Variants in RMDN2 observed in about 807,000 individuals in gnomAD.
The protein encoded by RMDN2 is regulator of microtubule dynamics protein 2.
RMDN2 carries 61 observed loss-of-function variants against 52.8 expected under a neutral mutation model. The ratio of observed to expected loss-of-function variants is 1.16; its 90% CI spans 0.94 to 1.43. The LOEUF (loss-of-function observed/expected upper bound fraction) is 1.43, where lower values mean the gene tolerates loss of function less well. RMDN2 is among the 40% of genes most tolerant of loss of function. RMDN2 has a pLI of 0.00. For synonymous variants in RMDN2, 180 were observed against 153.1 expected, an observed-to-expected ratio of 1.18 and a Z score of -1.30; for missense variants, 592 against 475.3, an observed-to-expected ratio of 1.25 and a Z score of -2.28.
chr2:38,056,009 A>G (rs970137605), intron 10 of RMDN2, among the ~76,000 whole-genome samples: 1 of 152,100 alleles, frequency 6.6e-6, no homozygotes, highest in Non-Finnish European at 1.5e-5. Flanking sequence ...CACACACACA[A>G]ATACACACAC....
At chr2:37,953,276 A>G (rs1669064042) in intron 2 of RMDN2, among the ~76,000 whole-genome samples, 1 of 152,000 alleles carries the variant, frequency 6.6e-6, no homozygotes, top group Non-Finnish European at 1.5e-5. Flanking sequence ...TACAGCCATC[A>G]CCACCATCCG....
At chr2:37,945,585 A>G (rs182956027) in intron 2 of RMDN2, among the ~76,000 whole-genome samples, 85 of 152,354 alleles carry the variant, frequency 5.6e-4, no homozygotes, top group African/African-American at 2.0e-3. Context: ...TACAATATAT[A>G]CAAAATCAAA....
intron 2 of RMDN2, chr2:37,950,327 G>A: frequency 2.3e-6 from 2 of 875,016 alleles, no homozygotes; most frequent in Non-Finnish European, 3.5e-6. Flanking sequence ...AACAGTGAAG[G>A]TAGAAACACA....
intron 5 of RMDN2, among the ~76,000 whole-genome samples, chr2:37,982,208 C>T (rs1261521245): frequency 6.6e-6 from 1 of 152,188 alleles, no homozygotes; most frequent in Non-Finnish European, 1.5e-5. Context: ...CCACAGAAGA[C>T]TCATTTTTGC....
intron 10 of RMDN2, among the ~76,000 whole-genome samples, chr2:38,011,461 C>G (rs1269871970): frequency 2.0e-5 from 3 of 152,122 alleles, no homozygotes; most frequent in African/African-American, 7.2e-5. Flanking sequence ...AAATCATTAA[C>G]AGAAAATAAA....
intron 10 of RMDN2, among the ~76,000 whole-genome samples, chr2:38,050,018 C>T (rs1269315787): frequency 2.0e-5 from 3 of 152,134 alleles, no homozygotes; most frequent in Non-Finnish European, 4.4e-5. Flanking sequence ...TGAATATTTG[C>T]AACAATCAAT....
chr2:37,942,118 A>G (rs1300897173), intron 2 of RMDN2, among the ~76,000 whole-genome samples: 1 of 152,062 alleles, frequency 6.6e-6, no homozygotes, highest in Non-Finnish European at 1.5e-5. Context: ...TCTGTCCCTC[A>G]TGGCAAGTCC....
intron 10 of RMDN2, among the ~76,000 whole-genome samples, chr2:38,014,586 A>C (rs530323057): frequency 1.5e-4 from 23 of 152,364 alleles, no homozygotes; most frequent in African/African-American, 5.5e-4. Context: ...TGCTAGGAGA[A>C]TAATGACAGT....
rs1329210321 is a variant in RMDN2, at chr2:37,932,813, G to A, written c.452+3084G>A. Reference sequence around the variant, plus strand: ...CGGACGGGGCGGCTGGCTGGGCGGGGGGCTGACCCCCCGACCTCCCTCCCG... The same window carrying A: ...CGGACGGGGCGGCTGGCTGGGCGGGAGGCTGACCCCCCGACCTCCCTCCCG... On this transcript the variant is annotated intron_variant, in intron 2 of 10. Coordinates refer to ENST00000354545, the MANE Select transcript of RMDN2 (RefSeq NM_001170791.3). Among the ~76,000 whole-genome samples the A allele has an allele frequency of 9.5e-4, 109 of 115,108 alleles. 1 individual carries two copies. The highest frequency in any genetic ancestry group is 1.1e-3 in the Non-Finnish European group (58 of 50,492). The allele number at this position is 115,108 out of a possible 152,430, so 75.5% of individuals were successfully genotyped here.
At chr2:38,020,639 G>C (rs146337042), downstream of RMDN2, among the ~76,000 whole-genome samples, 2 of 152,210 alleles carry the variant, frequency 1.3e-5, no homozygotes, top group Non-Finnish European at 2.9e-5. Flanking sequence ...CAGGCAATGA[G>C]GGGCTTAGCA....
chr2:37,939,561 G>A (rs1667601211), intron 2 of RMDN2, among the ~76,000 whole-genome samples: 1 of 152,184 alleles, frequency 6.6e-6, no homozygotes, highest in South Asian at 2.1e-4. Context: ...ATTGCTTTAT[G>A]AATCTGGGTG....
intron 1 of RMDN2, among the ~76,000 whole-genome samples, chr2:37,928,480 A>G (rs1425752089): frequency 6.6e-6 from 1 of 152,216 alleles, no homozygotes; most frequent in Non-Finnish European, 1.5e-5. Flanking sequence ...CAGAATTTTC[A>G]TCTTACTGAT....
chr2:37,921,202 T>C (rs1445538347), upstream of RMDN2, among the ~76,000 whole-genome samples: 1 of 152,254 alleles, frequency 6.6e-6, no homozygotes, highest in Non-Finnish European at 1.5e-5. Flanking sequence ...AACCATTTTA[T>C]TGGATTTAAG....
rs866258151 is a variant in RMDN2 at position 38,062,776 on chromosome 2, C to G, written c.1714-4206C>G. ...ATGCTATCCCTCCCCCCTTCCCCCC[C>G]CCCACAACAGTCCCCAGTGTGTGAT... On this transcript the variant is annotated intron_variant, in intron 10 of 10. Coordinates refer to the RMDN2 transcript ENST00000234195. Among the ~76,000 whole-genome samples, 33 of 120,834 alleles carry G rather than the reference C, an allele frequency of 2.7e-4. No homozygotes were observed. The South Asian group carries it at 6.2e-3, about 23-fold the overall frequency. The allele number at this position is 120,834 out of a possible 152,430, so 79.3% of individuals were successfully genotyped here. A position where few individuals can be genotyped will look rare whatever the true frequency, so the allele number is the denominator to read the frequency against.
intron 2 of RMDN2, among the ~76,000 whole-genome samples, chr2:37,969,854 T>G (rs1040825161): frequency 3.3e-5 from 5 of 151,948 alleles, no homozygotes; most frequent in African/African-American, 1.2e-4. Context: ...CTCCCTTCCT[T>G]CCTATTTTTT....
intron 2 of RMDN2, among the ~76,000 whole-genome samples, chr2:37,948,775 C>A (rs1022844850): frequency 6.6e-6 from 1 of 152,118 alleles, no homozygotes; most frequent in Non-Finnish European, 1.5e-5. Flanking sequence ...GCGCACACAC[C>A]TAAACACCGT....
chr2:38,003,658 A>C (rs143352198), intron 8 of RMDN2, among the ~76,000 whole-genome samples: 128 of 152,330 alleles, frequency 8.4e-4, no homozygotes, highest in African/African-American at 2.8e-3. Flanking sequence ...GAATATCACC[A>C]GTTGTTTTTG....
chr2:37,930,984 A>G (rs1666688898), intron 2 of RMDN2, among the ~76,000 whole-genome samples: 1 of 152,104 alleles, frequency 6.6e-6, no homozygotes, highest in Non-Finnish European at 1.5e-5. Context: ...CTCAAGACAC[A>G]GGCCCAGCGC....
At chr2:37,964,328 T>G (rs1207176411) in intron 2 of RMDN2, among the ~76,000 whole-genome samples, 5 of 152,246 alleles carry the variant, frequency 3.3e-5, no homozygotes, top group Non-Finnish European at 7.4e-5. Context: ...GGTATAAATT[T>G]TCCTCCTATC....
Sources: allele counts gnomAD v4.1 joint callset (sites outside exome capture counted in the v4.1 genomes callset), GRCh38; gene constraint gnomAD v4.1.1; transcripts MANE v1.5; gene names NCBI Gene and HGNC (gene_info 2026-07-23, HGNC 2026-07-21).